The following ATXN10 variants were observed in gnomAD, a reference collection of about 807,000 sequenced individuals.
ATXN10 encodes the protein ataxin 10.
A neutral mutation model predicts 52.9 loss-of-function variants in ATXN10; 28 were observed. The ratio of observed to expected loss-of-function variants is 0.53; its 90% CI spans 0.39 to 0.73. The LOEUF is 0.73. Ranked by LOEUF, ATXN10 falls within the 30% of genes least tolerant of loss-of-function variation. The pLI is 0.00. For synonymous variants in ATXN10, 226 were observed against 221.5 expected (o/e 1.02, Z -0.18); for missense variants, 565 against 577.0 (o/e 0.98, Z 0.21).
chr22:45,813,671 ATCTC>A (rs1309935568), intron 10 of ATXN10, among the ~76,000 whole-genome samples: 1 of 152,068 alleles, frequency 6.6e-6, no homozygotes, highest in Non-Finnish European at 1.5e-5. Context: ...ATTGCACTCT[ATCTC>A]TCTAAGTTTT....
chr22:45,702,192 A>G (rs531196435), intron 4 of ATXN10, among the ~76,000 whole-genome samples: 2 of 152,214 alleles, frequency 1.3e-5, no homozygotes, highest in Admixed American at 6.5e-5. Context: ...TCAATATGTC[A>G]GTGACCTTCC....
Position 45,683,846 on chromosome 22 carries a change from A to G in ATXN10, c.117-5866A>G, listed in dbSNP as rs1464250345. Among the ~76,000 whole-genome samples, 6 of 152,206 alleles carry G rather than the reference A, an allele frequency of 3.9e-5. No homozygotes were observed. Among genetic ancestry groups the G allele is most frequent in the Non-Finnish European group, 8.8e-5 (6 of 68,036 alleles). ...TGCTATTGATAGATGCCATTTACCAAGTTACCATGTATACACAGTTCTGCT... is the reference window on the plus strand; with the variant it reads ...TGCTATTGATAGATGCCATTTACCAGGTTACCATGTATACACAGTTCTGCT... On this transcript the variant is annotated intron_variant, in intron 1 of 11. Coordinates refer to ENST00000252934, the MANE Select transcript of ATXN10 (RefSeq NM_013236.4). The surrounding 1 kb of genome is among the most constrained non-coding windows in gnomAD (Gnocchi z 4.8).
intron 1 of ATXN10, among the ~76,000 whole-genome samples, chr22:45,682,534 T>A (rs1922970298): frequency 6.6e-6 from 1 of 152,176 alleles, no homozygotes; most frequent in African/African-American, 2.4e-5. Context: ...GGTCTTGAAC[T>A]CCTGGCCTCA....
At position 45,708,499 on chromosome 22, in the gene ATXN10, T is replaced by C. The variant is rs1448260841; in HGVS notation, c.647+5652T>C. On this transcript the variant is annotated intron_variant, in intron 5 of 11. Coordinates refer to ENST00000252934, the MANE Select transcript of ATXN10 (RefSeq NM_013236.4). The surrounding 1 kb of genome is among the most constrained non-coding windows in gnomAD (Gnocchi z 5.3). Reference sequence around the variant, plus strand: ...CAACTAGCATATAGCAGAGGCAGCATTGCAAGTGATGCCAAACTCGAGGGC... The same window carrying C: ...CAACTAGCATATAGCAGAGGCAGCACTGCAAGTGATGCCAAACTCGAGGGC... Among the ~76,000 whole-genome samples the C allele has an allele frequency of 2.6e-5, 4 of 152,216 alleles. No individual in the cohort carries two copies. Among genetic ancestry groups the C allele is most frequent in the African/African-American group, 9.7e-5 (4 of 41,450 alleles).
chr22:45,786,614 G>C lies in ATXN10; in HGVS notation c.1174-20345G>C, dbSNP rs1233608668. ...AGTGCAATGCTGCGGGCACATCTCA[G>C]CTGGTCAGCAAAACTTGTACTATTA... On this transcript the variant is annotated intron_variant, in intron 9 of 11. Coordinates refer to ENST00000252934, the MANE Select transcript of ATXN10 (RefSeq NM_013236.4). This position sits in a 1 kb window ranked among gnomAD's most constrained non-coding sequence, Gnocchi z 4.1. Among the ~76,000 whole-genome samples the C allele has an allele frequency of 6.6e-6, 1 of 152,216 alleles. No individual in the cohort carries two copies. The highest frequency in any genetic ancestry group is 1.5e-5 in the Non-Finnish European group (1 of 68,048).
At position 45,681,372 on chromosome 22, in the gene ATXN10, T is replaced by G. The variant is rs546356850; in HGVS notation, c.117-8340T>G. 6.6e-6 allele frequency among the ~76,000 whole-genome samples: 1 copy of G among 152,214 alleles called. No homozygotes were observed. Among genetic ancestry groups the G allele is most frequent in the African/African-American group, 2.4e-5 (1 of 41,518 alleles). On this transcript the variant is annotated intron_variant, in intron 1 of 11. Coordinates refer to ENST00000252934, the MANE Select transcript of ATXN10 (RefSeq NM_013236.4). The surrounding 1 kb of genome is among the most constrained non-coding windows in gnomAD (Gnocchi z 4.2). ...ACAATCTCGAGTCCCAATCCCTGTT[T>G]TATCTTCTCTTTAGGGCCCTTGCTT...
intron 7 of ATXN10, among the ~76,000 whole-genome samples, chr22:45,734,083 T>C (rs1925194225): frequency 6.6e-6 from 1 of 152,180 alleles, no homozygotes. Flanking sequence ...TGCTTTTTTT[T>C]TCTTTTAACC....
rs1235476592 is a variant in ATXN10 at position 45,705,948 on chromosome 22, T to G, written c.647+3101T>G. Among the ~76,000 whole-genome samples, 2 of 152,186 alleles carry G rather than the reference T, an allele frequency of 1.3e-5. No homozygotes were observed. Among genetic ancestry groups the G allele is most frequent in the Non-Finnish European group, 2.9e-5 (2 of 68,024 alleles). ...ATTCCTGCCTGAGCGCCACTTCTTG[T>G]CAGATCATCAGCCACATTCGATTCT... On this transcript the variant is annotated intron_variant, in intron 5 of 11. Coordinates refer to ENST00000252934, the MANE Select transcript of ATXN10 (RefSeq NM_013236.4). The surrounding 1 kb of genome is among the most constrained non-coding windows in gnomAD (Gnocchi z 5.2).
At chr22:45,709,037 T>C (rs1490864062) in intron 5 of ATXN10, among the ~76,000 whole-genome samples, 1 of 152,248 alleles carries the variant, frequency 6.6e-6, no homozygotes, top group Non-Finnish European at 1.5e-5. Context: ...ATTTGGGTTA[T>C]CTAGTTGATT....
At position 45,843,259 on chromosome 22, in the gene ATXN10, C is replaced by T. The variant is rs547252802; in HGVS notation, c.1425+81C>T. The T allele has an allele frequency of 1.2e-3, 1,720 of 1,454,258 alleles. 4 individuals are homozygous for T. The highest frequency in any genetic ancestry group is 2.9e-3 in the Middle Eastern group (13 of 4,524). 90.1% of individuals were successfully genotyped at this position (1,454,258 alleles called of 1,614,324 possible). A position where few individuals can be genotyped will look rare whatever the true frequency, so the allele number is the denominator to read the frequency against. On this transcript the variant is annotated intron_variant, in intron 11 of 11. Coordinates refer to ENST00000252934, the MANE Select transcript of ATXN10 (RefSeq NM_013236.4). This position sits in a 1 kb window ranked among gnomAD's most constrained non-coding sequence, Gnocchi z 4.5. Reference sequence around the variant, plus strand: ...CTTCCCCATTGCTTCAAGCACGAGGCTCTTTGTAAGAATATGGATGGGAGA... The same window carrying T: ...CTTCCCCATTGCTTCAAGCACGAGGTTCTTTGTAAGAATATGGATGGGAGA...
At position 45,718,006 on chromosome 22, in the gene ATXN10, G is replaced by C. The variant is rs1292269605; in HGVS notation, c.648-407G>C. ...AGAGTGAATAATCAAGCCAGTAATG[G>C]AAGTGTGACAAGTCTTTCTCTGGTT... On this transcript the variant is annotated intron_variant, in intron 5 of 11. Coordinates refer to ENST00000252934, the MANE Select transcript of ATXN10 (RefSeq NM_013236.4). This position sits in a 1 kb window ranked among gnomAD's most constrained non-coding sequence, Gnocchi z 4.4. 6.6e-6 allele frequency among the ~76,000 whole-genome samples: 1 copy of C among 152,150 alleles called. No individual in the cohort carries two copies. The highest frequency in any genetic ancestry group is 1.5e-5 in the Non-Finnish European group (1 of 68,012).
chr22:45,805,101 G>C lies in ATXN10; in HGVS notation c.1174-1858G>C, dbSNP rs1928056351. On this transcript the variant is annotated intron_variant, in intron 9 of 11. Coordinates refer to ENST00000252934, the MANE Select transcript of ATXN10 (RefSeq NM_013236.4). The surrounding 1 kb of genome is among the most constrained non-coding windows in gnomAD (Gnocchi z 4.4). The stretch of plus-strand genomic sequence containing the variant: ...GGAGACTTGAGTTGTTTCATAATAA[G>C]TTGTGCTGCACCCAGTATCATTAGT... 6.6e-6 allele frequency among the ~76,000 whole-genome samples: 1 copy of C among 152,166 alleles called. No homozygotes were observed. The highest frequency in any genetic ancestry group is 1.5e-5 in the Non-Finnish European group (1 of 68,034).
chr22:45,731,167 A>G (rs1925075244), intron 7 of ATXN10, among the ~76,000 whole-genome samples: 1 of 152,192 alleles, frequency 6.6e-6, no homozygotes, highest in African/African-American at 2.4e-5. Context: ...CAGCTGTAAA[A>G]AGGGATGCAC....
In ATXN10 at chr22:45,750,711, A is replaced by G. The variant is rs1298159655; in HGVS notation, c.1173+10173A>G. On this transcript the variant is annotated intron_variant, in intron 9 of 11. Transcript: ENST00000252934. The surrounding 1 kb of genome is among the most constrained non-coding windows in gnomAD (Gnocchi z 4.2). Reference sequence around the variant, plus strand: ...AAGGCTAAAATAATCAAAACAATTTACAAAAGTTTATAGGTTAGTGGAGGC... The same window carrying G: ...AAGGCTAAAATAATCAAAACAATTTGCAAAAGTTTATAGGTTAGTGGAGGC... 6.6e-6 allele frequency among the ~76,000 whole-genome samples: 1 copy of G among 152,232 alleles called. No homozygotes were observed. Among genetic ancestry groups the G allele is most frequent in the East Asian group, 1.9e-4 (1 of 5,204 alleles).
intron 9 of ATXN10, among the ~76,000 whole-genome samples, chr22:45,753,646 A>G (rs765969514): frequency 1.1e-4 from 16 of 151,804 alleles, no homozygotes; most frequent in South Asian, 2.1e-4. Context: ...ACTTCAGGCA[A>G]TCCACCCGCC....
rs751364860 is a variant in ATXN10, at chr22:45,819,618, G to A, written c.1237+12596G>A. On this transcript the variant is annotated intron_variant, in intron 10 of 11. Transcript: ENST00000252934. The surrounding 1 kb of genome is among the most constrained non-coding windows in gnomAD (Gnocchi z 4.5). ...AGGAAGCTTTACCTTCAGGAAAGCT[G>A]CTGGATTGAGACTGGAGGGAAGTGT... Among the ~76,000 whole-genome samples, 23 of 152,362 alleles carry A rather than the reference G, an allele frequency of 1.5e-4. No homozygotes were observed. Among genetic ancestry groups the A allele is most frequent in the Admixed American group, 3.3e-4 (5 of 15,304 alleles).
At chr22:45,695,773 T>C (rs945594479) in intron 3 of ATXN10, among the ~76,000 whole-genome samples, 3 of 152,142 alleles carry the variant, frequency 2.0e-5, no homozygotes, top group African/African-American at 7.2e-5. Flanking sequence ...ATTACAGGCA[T>C]GAACCACCGC....
rs1308347557 is a variant in ATXN10 at position 45,754,640 on chromosome 22, G to A, written c.1173+14102G>A. 1.3e-5 allele frequency among the ~76,000 whole-genome samples: 2 copies of A among 152,166 alleles called. No individual in the cohort carries two copies. Among genetic ancestry groups the A allele is most frequent in the Non-Finnish European group, 2.9e-5 (2 of 68,040 alleles). On this transcript the variant is annotated intron_variant, in intron 9 of 11. Coordinates refer to ENST00000252934, the MANE Select transcript of ATXN10 (RefSeq NM_013236.4). This position sits in a 1 kb window ranked among gnomAD's most constrained non-coding sequence, Gnocchi z 5.4. Reference sequence around the variant, plus strand: ...GGCCGAGGCCAGCGGATCACCTGAGGTCAGGAGTTCGAGACCAGTCTGACC... The same window carrying A: ...GGCCGAGGCCAGCGGATCACCTGAGATCAGGAGTTCGAGACCAGTCTGACC...
Position 45,780,059 on chromosome 22 carries a change from T to C in ATXN10, c.1174-26900T>C, listed in dbSNP as rs927958462. 2.6e-5 allele frequency among the ~76,000 whole-genome samples: 4 copies of C among 150,972 alleles called. No homozygotes were observed. The highest frequency in any genetic ancestry group is 5.9e-5 in the Non-Finnish European group (4 of 67,928). On this transcript the variant is annotated intron_variant, in intron 9 of 11. Transcript: ENST00000252934. This position sits in a 1 kb window ranked among gnomAD's most constrained non-coding sequence, Gnocchi z 4.0. ...GTGAAATTCCAAATAAAAACGCTTATACAAACAAAAAGGCAGACTGCATCA... is the reference window on the plus strand; with the variant it reads ...GTGAAATTCCAAATAAAAACGCTTACACAAACAAAAAGGCAGACTGCATCA...
Sources: allele counts gnomAD v4.1 joint callset (sites outside exome capture counted in the v4.1 genomes callset), GRCh38; gene constraint gnomAD v4.1.1; non-coding constraint Gnocchi (gnomAD v3.1); transcripts MANE v1.5; gene names NCBI Gene and HGNC (gene_info 2026-07-23, HGNC 2026-07-21).